The following CPNE2 variants were observed in gnomAD, a reference collection of about 807,000 sequenced individuals.
CPNE2 encodes the protein copine 2.
In CPNE2, 42 loss-of-function variants were observed where a neutral mutation model predicts 69.7. The ratio of observed to expected loss-of-function variants is 0.60; its 90% CI spans 0.47 to 0.78. CPNE2 has a LOEUF of 0.78. Ranked by LOEUF, CPNE2 falls within the 30% of genes least tolerant of loss-of-function variation. The pLI, the probability that CPNE2 is intolerant of heterozygous loss-of-function variation, is 0.00. For synonymous variants in CPNE2, 294 were observed against 289.8 expected (o/e 1.01, Z -0.15); for missense variants, 587 against 732.0 (o/e 0.80, Z 2.29).
At chr16:57,117,456 T>TG in intron 4 of CPNE2, 40 bp from the exon 5 acceptor site, 1 of 1,599,468 alleles carries the variant, frequency 6.3e-7, no homozygotes. Context: ...GGCAGGAGGC[T>TG]GGGGGAGTCT....
intron 1 of CPNE2, among the ~76,000 whole-genome samples, chr16:57,102,692 C>T (rs2069622330): frequency 6.6e-6 from 1 of 151,540 alleles, no homozygotes; most frequent in Admixed American, 6.6e-5. Context: ...ACCTCCACTT[C>T]CCAGGTTCAA....
At chr16:57,104,764 TC>T (rs1272916242) in intron 1 of CPNE2, among the ~76,000 whole-genome samples, 3 of 152,158 alleles carry the variant, frequency 2.0e-5, no homozygotes, top group Non-Finnish European at 4.4e-5. Context: ...GCCTGGGTGA[TC>T]AGGGAAGGCC....
chr16:57,097,958 G>C lies in CPNE2; in HGVS notation c.-36+5168G>C, dbSNP rs58973943. Among the ~76,000 whole-genome samples the C allele has an allele frequency of 5.9e-3, 902 of 152,278 alleles. 8 individuals carry two copies. The highest frequency in any genetic ancestry group is 0.015 in the African/African-American group (638 of 41,530). ...GAGGCCCAGGAGGGAGGAGTGGCAGGAGAGGACAAAACCCAGTCCCTAGAC... is the reference window on the plus strand; with the variant it reads ...GAGGCCCAGGAGGGAGGAGTGGCAGCAGAGGACAAAACCCAGTCCCTAGAC... On this transcript the variant is annotated intron_variant, in intron 1 of 15. Coordinates refer to ENST00000290776, the MANE Select transcript of CPNE2 (RefSeq NM_152727.6).
At chr16:57,122,187 G>A (rs1567669464) in intron 9 of CPNE2, among the ~76,000 whole-genome samples, 1 of 152,246 alleles carries the variant, frequency 6.6e-6, no homozygotes, top group Non-Finnish European at 1.5e-5. Flanking sequence ...GCCCAGAAAG[G>A]CAATGAAGTT....
intron 12 of CPNE2, 42 bp downstream of exon 12, chr16:57,127,945 G>C (rs920815474): frequency 6.3e-7 from 1 of 1,595,644 alleles, no homozygotes; most frequent in Non-Finnish European, 8.6e-7. Context: ...TTGAGATGGG[G>C]TTTGTGTGTG....
chr16:57,113,895 C>G (rs759351724), intron 3 of CPNE2, among the ~76,000 whole-genome samples: 34 of 152,232 alleles, frequency 2.2e-4, no homozygotes, highest in Admixed American at 1.4e-3. Flanking sequence ...CGGGAGCAAG[C>G]GGGGCTAGGC....
At chr16:57,106,825 G>T (rs1296981287) in intron 1 of CPNE2, among the ~76,000 whole-genome samples, 1 of 152,126 alleles carries the variant, frequency 6.6e-6, no homozygotes, top group Non-Finnish European at 1.5e-5. Context: ...TCAAATGGGG[G>T]AATGCCCTTG....
chr16:57,147,462 G>C, intron 15 of CPNE2, 89 bp from the exon 16 acceptor site: 1 of 926,462 alleles, frequency 1.1e-6, no homozygotes, highest in Non-Finnish European at 1.6e-6. Flanking sequence ...ACCTGCTGTA[G>C]CAGCCCTCTG....
intron 2 of CPNE2, among the ~76,000 whole-genome samples, chr16:57,111,590 G>A (rs72777113): frequency 0.094 from 14,368 of 152,284 alleles, 772 homozygotes; most frequent in East Asian, 0.24. Flanking sequence ...CAGAGAAACA[G>A]TGAGCTCAGG....
chr16:57,106,138 T>A (rs2069646833), intron 1 of CPNE2: 1 of 152,792 alleles, frequency 6.5e-6, no homozygotes, highest in Non-Finnish European at 1.5e-5. Flanking sequence ...CATCATGTGC[T>A]CCCCGTTTCG....
chr16:57,104,372 C>A (rs997317204), intron 1 of CPNE2, among the ~76,000 whole-genome samples: 5 of 152,224 alleles, frequency 3.3e-5, no homozygotes, highest in African/African-American at 9.7e-5. Flanking sequence ...CACCATCCTT[C>A]CCTGGCTTAA....
At chr16:57,119,794 A>G in intron 7 of CPNE2, 144 bp downstream of exon 7, 1 of 604,978 alleles carries the variant, frequency 1.7e-6, no homozygotes, top group Non-Finnish European at 2.9e-6. Flanking sequence ...AGGACTGGAG[A>G]CTGGGTCCTC....
intron 2 of CPNE2, among the ~76,000 whole-genome samples, chr16:57,111,496 T>C (rs1400425483): frequency 6.6e-6 from 1 of 152,224 alleles, no homozygotes; most frequent in Non-Finnish European, 1.5e-5. Context: ...AATTGTTATA[T>C]ATAGTTAACA....
intron 10 of CPNE2, chr16:57,125,448 C>A: frequency 2.3e-6 from 1 of 436,724 alleles, no homozygotes; most frequent in Non-Finnish European, 4.7e-6. Flanking sequence ...TGCAGTGGAG[C>A]AGTGGCATCT....
chr16:57,132,930 G>C (rs1041949478), intron 12 of CPNE2, among the ~76,000 whole-genome samples: 1 of 152,144 alleles, frequency 6.6e-6, no homozygotes, highest in African/African-American at 2.4e-5. Context: ...CAAATAAAGA[G>C]GGGGGAAGAG....
intron 1 of CPNE2, among the ~76,000 whole-genome samples, chr16:57,104,108 G>T (rs974244041): frequency 2.0e-5 from 3 of 152,056 alleles, no homozygotes; most frequent in African/African-American, 7.2e-5. Context: ...GTAGAGATGG[G>T]GTTCCACCAT....
intron 10 of CPNE2, 73 bp downstream of exon 10, chr16:57,123,546 A>G (rs2069778821): frequency 2.0e-6 from 3 of 1,499,404 alleles, no homozygotes; most frequent in Non-Finnish European, 2.8e-6. Context: ...TTGGGCCACT[A>G]GTGCAGCCAG....
At chr16:57,109,262 G>C (rs993991540) in intron 1 of CPNE2, among the ~76,000 whole-genome samples, 2 of 152,144 alleles carry the variant, frequency 1.3e-5, no homozygotes, top group African/African-American at 4.8e-5. Flanking sequence ...GATCACCTGA[G>C]GTCGGGAGTT....
Position 57,115,549 on chromosome 16 carries a change from C to T in CPNE2, c.434C>T (p.Thr145Met), listed in dbSNP as rs376741496. The T allele has an allele frequency of 8.1e-6, 13 of 1,609,918 alleles. No individual in the cohort carries two copies. In the African/African-American group the frequency reaches 1.6e-4, roughly 20 times the overall value. ...NDKPAGKGLITIAAQELSDNR... is the reference protein window; with the variant it reads ...NDKPAGKGLIMIAAQELSDNR... ...AAGCCTGCGGGGAAGGGCTTGATTA[C>T]GGTACCAGTCCCCTCCCGGCTCTCC... The change falls in exon 4 of 16, where the codon ACG becomes ATG. Residue 145 changes from threonine to methionine, a missense_variant and splice_region_variant. This residue lies in a region of CPNE2 where 269 missense variants were observed against 300.5 expected (regional missense o/e 0.90). Transcript: ENST00000290776.
Sources: gnomAD v4.1 joint callset for allele counts (sites outside exome capture counted in the v4.1 genomes callset) on GRCh38, gnomAD v4.1.1 for gene constraint, gnomAD v4.1.1 regional missense constraint, MANE v1.5 for transcripts, NCBI Gene and HGNC (gene_info 2026-07-23, HGNC 2026-07-21) for gene names.